SNRK: variants seen among roughly 807,000 people sequenced by gnomAD.
SNRK encodes the protein SNF related kinase, also known as SNF-related serine/threonine-protein kinase.
A neutral mutation model predicts 48.2 loss-of-function variants in SNRK; 3 were observed. The ratio of observed to expected loss-of-function variants is 0.06; its 90% CI spans 0.03 to 0.16. SNRK has a LOEUF of 0.16. Among genes scored for constraint, SNRK ranks in the 10% least tolerant of loss-of-function variants. The probability of loss-of-function intolerance (pLI) is 1.00; values close to 1 mark genes in which losing one functional copy is unlikely to be tolerated. For synonymous variants in SNRK, 376 were observed against 366.1 expected, an observed-to-expected ratio of 1.03 and a Z score of -0.31; for missense variants, 627 against 976.0, an observed-to-expected ratio of 0.64 and a Z score of 4.76.
chr3:43,326,670 G>C lies in SNRK; in HGVS notation c.590-5499G>C, dbSNP rs187339625. The stretch of plus-strand genomic sequence containing the variant: ...TTGGCAGTGCCTTCTTGATCTGGAA[G>C]TCAGAGGACCCTCAGAGTAGGGAGT... On this transcript the variant is annotated intron_variant, in intron 3 of 6. Coordinates refer to ENST00000296088, the MANE Select transcript of SNRK (RefSeq NM_017719.5). 5.2e-3 allele frequency among the ~76,000 whole-genome samples: 788 copies of C among 152,268 alleles called. 8 individuals carry two copies. Among genetic ancestry groups the C allele is most frequent in the African/African-American group, 0.017 (726 of 41,548 alleles).
chr3:43,327,554 T>C (rs1468627052), intron 3 of SNRK, among the ~76,000 whole-genome samples: 1 of 152,252 alleles, frequency 6.6e-6, no homozygotes, highest in Non-Finnish European at 1.5e-5. Flanking sequence ...CCTAAAATCC[T>C]TCTTCTGGAC....
At position 43,343,498 on chromosome 3, in the gene SNRK, T is replaced by C. The variant is rs1264075490; in HGVS notation, c.1079+20T>C. The C allele has an allele frequency of 1.2e-6, 2 of 1,604,404 alleles. No individual in the cohort carries two copies. The highest frequency in any genetic ancestry group is 2.7e-5 in the African/African-American group (2 of 74,026). ...GTTTAGGTGAGAAAAAAATCTTCAC[T>C]GATTTTAGTAAGTTTAACGTTTTGA... On this transcript the variant is annotated intron_variant, in intron 6 of 6. Transcript: ENST00000296088.
At chr3:43,305,233 C>G (rs1458118987) in intron 3 of SNRK, among the ~76,000 whole-genome samples, 1 of 152,170 alleles carries the variant, frequency 6.6e-6, no homozygotes, top group Non-Finnish European at 1.5e-5. Context: ...ATGTACACAT[C>G]TGATAACCTA....
At chr3:43,332,335 ACCTT>A in intron 4 of SNRK, 25 bp downstream of exon 4, 1 of 1,356,442 alleles carries the variant, frequency 7.4e-7, no homozygotes, top group East Asian at 2.8e-5. Flanking sequence ...GTATGTGGAA[ACCTT>A]AAGGACTCAG....
At chr3:43,313,992 G>A (rs2090997174) in intron 3 of SNRK, among the ~76,000 whole-genome samples, 1 of 152,160 alleles carries the variant, frequency 6.6e-6, no homozygotes, top group Non-Finnish European at 1.5e-5. Context: ...GGGAAAGAAG[G>A]TTGATGTGAC....
intron 3 of SNRK, among the ~76,000 whole-genome samples, chr3:43,328,624 A>T (rs982635404): frequency 3.3e-5 from 5 of 152,190 alleles, no homozygotes; most frequent in African/African-American, 9.7e-5. Context: ...TGCCATTCTT[A>T]GTCCTATAAT....
intron 3 of SNRK, among the ~76,000 whole-genome samples, chr3:43,307,816 C>T (rs924984202): frequency 7.9e-5 from 12 of 152,138 alleles, no homozygotes; most frequent in Non-Finnish European, 1.5e-5. Flanking sequence ...TGGTACATCT[C>T]TCACTTTAAG....
At chr3:43,334,324 G>A (rs548481157) in intron 4 of SNRK, among the ~76,000 whole-genome samples, 9 of 152,028 alleles carry the variant, frequency 5.9e-5, no homozygotes, top group African/African-American at 1.9e-4. Context: ...AGCCAGTTAC[G>A]GTGGCTCACG....
At chr3:43,334,586 G>C (rs970565426) in intron 4 of SNRK, among the ~76,000 whole-genome samples, 1 of 151,700 alleles carries the variant, frequency 6.6e-6, no homozygotes, top group Non-Finnish European at 1.5e-5. Flanking sequence ...TTAACCTCAA[G>C]TATTTATATT....
chr3:43,343,267 T>C (rs770564682), intron 5 of SNRK, 77 bp from the exon 6 acceptor site: 28 of 1,491,598 alleles, frequency 1.9e-5, no homozygotes, highest in Non-Finnish European at 2.4e-5. Context: ...TTGCTTGTAC[T>C]TTTAAAAATC....
Position 43,350,263 on chromosome 3 carries a change from G to A in SNRK, c.*1706G>A, listed in dbSNP as rs1442824949. 2.0e-5 allele frequency: 3 copies of A among 152,612 alleles called. No individual in the cohort carries two copies. The highest frequency in any genetic ancestry group is 7.2e-5 in the African/African-American group (3 of 41,448). 9.5% of individuals were successfully genotyped at this position (152,612 alleles called of 1,614,324 possible). A position where few individuals can be genotyped will look rare whatever the true frequency, so the allele number is the denominator to read the frequency against. On this transcript the variant is annotated 3_prime_UTR_variant, in exon 7 of 7. Transcript: ENST00000296088. ...GTGAAGCCATAGAACATATTTGCTT[G>A]AAATTCTTGAGCAGGGATCTTATAA...
chr3:43,346,846 A>G (rs1179866884), intron 6 of SNRK: 1 of 152,688 alleles, frequency 6.5e-6, no homozygotes, highest in Non-Finnish European at 1.5e-5. Flanking sequence ...TTTAAAATTC[A>G]GATCCATTAA....
At chr3:43,308,477 T>A (rs1382261539) in intron 3 of SNRK, among the ~76,000 whole-genome samples, 1 of 152,220 alleles carries the variant, frequency 6.6e-6, no homozygotes, top group African/African-American at 2.4e-5. Flanking sequence ...GAAGCCATGC[T>A]CATTGACCAT....
At chr3:43,325,460 C>T (rs75740133) in intron 3 of SNRK, among the ~76,000 whole-genome samples, 3,811 of 152,228 alleles carry the variant, frequency 0.025, 162 homozygotes, top group African/African-American at 0.085. Flanking sequence ...CCACCGTGCC[C>T]GGCCCAAAAG....
chr3:43,304,366 A>G (rs1267635991), intron 3 of SNRK, among the ~76,000 whole-genome samples: 2 of 152,094 alleles, frequency 1.3e-5, no homozygotes, highest in South Asian at 2.1e-4. Flanking sequence ...GTTATTGTCT[A>G]TCTCATTGTT....
intron 3 of SNRK, among the ~76,000 whole-genome samples, chr3:43,317,566 C>T (rs1197205169): frequency 6.6e-6 from 1 of 152,168 alleles, no homozygotes; most frequent in African/African-American, 2.4e-5. Context: ...CTCACTGTGG[C>T]CAACACAGCC....
At chr3:43,307,307 T>C (rs901768911) in intron 3 of SNRK, among the ~76,000 whole-genome samples, 18 of 152,218 alleles carry the variant, frequency 1.2e-4, no homozygotes, top group African/African-American at 3.6e-4. Context: ...TGTTTTGTCA[T>C]TGCTTTAGAT....
In SNRK at chr3:43,348,654, C is replaced by T. The variant is rs2125652416; in HGVS notation, c.*97C>T. On this transcript the variant is annotated 3_prime_UTR_variant, in exon 7 of 7. Coordinates refer to ENST00000296088, the MANE Select transcript of SNRK (RefSeq NM_017719.5). ...TTTGGTTTTACTATTTTAAAGTGGG[C>T]GTTAGGAGCAATTATTTATTACCTT... The T allele has an allele frequency of 3.2e-6, 4 of 1,250,268 alleles. No homozygotes were observed. Among genetic ancestry groups the T allele is most frequent in the South Asian group, 4.2e-5 (2 of 47,096 alleles). The allele number at this position is 1,250,268 out of a possible 1,614,324, so 77.4% of individuals were successfully genotyped here.
Position 43,340,613 on chromosome 3 carries a change from G to A in SNRK, c.944+114G>A, listed in dbSNP as rs969884003. The A allele has an allele frequency of 4.4e-6, 4 of 907,356 alleles. No individual in the cohort carries two copies. In the East Asian group the frequency reaches 1.1e-4, roughly 24 times the overall value. The allele number at this position is 907,356 out of a possible 1,614,324, so 56.2% of individuals were successfully genotyped here. On this transcript the variant is annotated intron_variant, in intron 5 of 6. Coordinates refer to ENST00000296088, the MANE Select transcript of SNRK (RefSeq NM_017719.5). ...TGTAATAGATAAGAGTTCCCAGTTG[G>A]CAAGAGTTGTGTCATTTATCTCTAA...
Sources: allele counts gnomAD v4.1 joint callset (sites outside exome capture counted in the v4.1 genomes callset), GRCh38; gene constraint gnomAD v4.1.1; transcripts MANE v1.5; gene names NCBI Gene and HGNC (gene_info 2026-07-23, HGNC 2026-07-21).